The following LPCAT1 variants were observed in gnomAD, a reference collection of about 807,000 sequenced individuals.
LPCAT1 encodes the protein 1-acylglycerol-3-phosphate O-acyltransferase.
In LPCAT1, 23 loss-of-function variants were observed where a neutral mutation model predicts 60.9. The ratio of observed to expected loss-of-function variants is 0.38; its 90% CI spans 0.27 to 0.53. The LOEUF (loss-of-function observed/expected upper bound fraction) is 0.53. Ranked by LOEUF, LPCAT1 falls within the 20% of genes least tolerant of loss-of-function variation. LPCAT1 has a pLI of 0.82. For missense variants in LPCAT1, 622 were observed against 723.6 expected, an observed-to-expected ratio of 0.86 and a Z score of 1.61; for synonymous variants, 340 against 301.1, an observed-to-expected ratio of 1.13 and a Z score of -1.34.
intron 1 of LPCAT1, among the ~76,000 whole-genome samples, chr5:1,520,860 C>CAAAAAAAAA (rs59074953): frequency 6.1e-5 from 5 of 82,026 alleles, no homozygotes; most frequent in Non-Finnish European, 4.6e-5. Flanking sequence ...GAGACTGTCT[C>CAAAAAAAAA]AAAAAAAAAA....
chr5:1,501,834 C>A (rs922894187), intron 1 of LPCAT1, among the ~76,000 whole-genome samples: 2 of 152,084 alleles, frequency 1.3e-5, no homozygotes, highest in Admixed American at 1.3e-4. Flanking sequence ...CCAACACTGA[C>A]CAGCACTGAC....
intron 8 of LPCAT1, among the ~76,000 whole-genome samples, chr5:1,478,120 G>T (rs981682115): frequency 2.3e-4 from 35 of 152,276 alleles, no homozygotes; most frequent in African/African-American, 8.4e-4. Flanking sequence ...ATTATTGGCA[G>T]CGTTTTGCCA....
chr5:1,467,044 T>A (rs986239667), intron 12 of LPCAT1, 154 bp from the exon 13 acceptor site: 3 of 719,354 alleles, frequency 4.2e-6, no homozygotes, highest in African/African-American at 3.7e-5. Flanking sequence ...AACTTCCATG[T>A]GGAGCCATGC....
At chr5:1,494,124 G>T (rs1234061554) in intron 3 of LPCAT1, among the ~76,000 whole-genome samples, 1 of 142,518 alleles carries the variant, frequency 7.0e-6, no homozygotes, top group East Asian at 2.1e-4. Context: ...GAGGGGTCAT[G>T]GCAGCACCAG....
At chr5:1,501,332 C>A (rs975806575) in intron 2 of LPCAT1, 129 bp downstream of exon 2, 2 of 1,305,470 alleles carry the variant, frequency 1.5e-6, no homozygotes, top group Non-Finnish European at 2.1e-6. Flanking sequence ...CCCTGGTGGA[C>A]GCTGGGCTCA....
intron 1 of LPCAT1, among the ~76,000 whole-genome samples, chr5:1,516,717 T>C (rs1001369240): frequency 6.6e-6 from 1 of 152,020 alleles, no homozygotes; most frequent in Non-Finnish European, 1.5e-5. Flanking sequence ...AGTGTGAAAT[T>C]CAAGAGTAAA....
chr5:1,521,071 A>G lies in LPCAT1; in HGVS notation c.135+2639T>C, dbSNP rs1269768727. ...GCTGAACTCACTAAGATCCTGTACC[A>G]TACCATTTACCGCTCTCTACTAAAT... On this transcript the variant is annotated intron_variant, in intron 1 of 13. Transcript: ENST00000283415. The surrounding 1 kb of genome is among the most constrained non-coding windows in gnomAD (Gnocchi z 4.3). 6.6e-6 allele frequency among the ~76,000 whole-genome samples: 1 copy of G among 152,144 alleles called. No individual in the cohort carries two copies. Among genetic ancestry groups the G allele is most frequent in the Non-Finnish European group, 1.5e-5 (1 of 68,024 alleles).
rs1734162197 is a variant in LPCAT1, at chr5:1,462,902, T to C, written c.*749A>G. 1 of 152,082 alleles carries C rather than the reference T, an allele frequency of 6.6e-6. No individual in the cohort carries two copies. Among genetic ancestry groups the C allele is most frequent in the Non-Finnish European group, 1.5e-5 (1 of 68,022 alleles). The allele number at this position is 152,082 out of a possible 1,614,324, so 9.4% of individuals were successfully genotyped here. A position where few individuals can be genotyped will look rare whatever the true frequency, so the allele number is the denominator to read the frequency against. On this transcript the variant is annotated 3_prime_UTR_variant, in exon 14 of 14. Transcript: ENST00000283415. ...AAAAAGTGTTTTGGGGCTAGGCCCT[T>C]GAGTTCACACCTCCCCAGGGGACCC...
chr5:1,520,532 G>C (rs1323754454), intron 1 of LPCAT1, among the ~76,000 whole-genome samples: 1 of 152,184 alleles, frequency 6.6e-6, no homozygotes, highest in Non-Finnish European at 1.5e-5. Context: ...GTAAGTTCTT[G>C]CCAACTCTGG....
chr5:1,479,556 GGTGTAAGCTC>G, intron 8 of LPCAT1, 55 bp downstream of exon 8: 1 of 1,148,848 alleles, frequency 8.7e-7, no homozygotes, highest in Non-Finnish European at 1.3e-6. Flanking sequence ...TGGGCATCCT[GGTGTAAGCTC>G]GTGTCTGCAT....
At chr5:1,501,765 C>A (rs576936455) in intron 1 of LPCAT1, among the ~76,000 whole-genome samples, 162 bp from the exon 2 acceptor site, 1 of 152,138 alleles carries the variant, frequency 6.6e-6, no homozygotes, top group African/African-American at 2.4e-5. Flanking sequence ...CAGCACTGAC[C>A]GAGGCTGACC....
chr5:1,518,035 T>G (rs567551742), intron 1 of LPCAT1, among the ~76,000 whole-genome samples: 1 of 152,360 alleles, frequency 6.6e-6, no homozygotes, highest in South Asian at 2.1e-4. Flanking sequence ...CATGGACTAA[T>G]GCAGAAGTGA....
intron 1 of LPCAT1, chr5:1,510,860 G>A (rs1560992287): frequency 6.6e-6 from 1 of 152,506 alleles, no homozygotes; most frequent in East Asian, 1.9e-4. Flanking sequence ...TGGTGTCTCT[G>A]GAGCAAGGGC....
At chr5:1,488,009 G>A (rs1735435748) in intron 5 of LPCAT1, among the ~76,000 whole-genome samples, 1 of 152,152 alleles carries the variant, frequency 6.6e-6, no homozygotes, top group Non-Finnish European at 1.5e-5. Context: ...GGCTCGCAGG[G>A]ATTTGCACCT....
chr5:1,471,037 G>A (rs1206586595), intron 11 of LPCAT1, 113 bp from the exon 12 acceptor site: 1 of 771,398 alleles, frequency 1.3e-6, no homozygotes, highest in Admixed American at 2.6e-5. Flanking sequence ...TCTCACTCGG[G>A]AACATCTGCC....
intron 13 of LPCAT1, among the ~76,000 whole-genome samples, chr5:1,465,336 G>C (rs1353774427): frequency 1.6e-5 from 2 of 122,810 alleles, no homozygotes; most frequent in African/African-American, 3.3e-5. Flanking sequence ...CAGGCACACA[G>C]TAACTAAACA....
intron 11 of LPCAT1, 85 bp downstream of exon 11, chr5:1,473,872 A>G: frequency 1.3e-6 from 2 of 1,492,002 alleles, no homozygotes; most frequent in Non-Finnish European, 1.8e-6. Flanking sequence ...ATGTGAAAAT[A>G]TATTTATATT....
chr5:1,462,291 G>C lies in LPCAT1; in HGVS notation c.*1360C>G, dbSNP rs765833248. ...CAAGTCTGTGATGATTATTGTGCTT[G>C]AAGGATGGGTTTCTAATTCTGTCAT... On this transcript the variant is annotated 3_prime_UTR_variant, in exon 14 of 14. Coordinates refer to ENST00000283415, the MANE Select transcript of LPCAT1 (RefSeq NM_024830.5). 4 of 152,586 alleles carry C rather than the reference G, an allele frequency of 2.6e-5. No individual in the cohort carries two copies. Among genetic ancestry groups the C allele is most frequent in the Non-Finnish European group, 5.9e-5 (4 of 68,036 alleles). 9.5% of individuals were successfully genotyped at this position (152,586 alleles called of 1,614,324 possible).
intron 1 of LPCAT1, among the ~76,000 whole-genome samples, chr5:1,508,880 T>C (rs1382367981): frequency 6.6e-6 from 1 of 152,226 alleles, no homozygotes; most frequent in Non-Finnish European, 1.5e-5. Flanking sequence ...ACCAGGGCCG[T>C]AAGCAGCCCC....
Sources: allele counts gnomAD v4.1 joint callset (sites outside exome capture counted in the v4.1 genomes callset), GRCh38; gene constraint gnomAD v4.1.1; non-coding constraint Gnocchi (gnomAD v3.1); transcripts MANE v1.5; gene names NCBI Gene and HGNC (gene_info 2026-07-23, HGNC 2026-07-21).